The following ZFHX3 variants were observed in gnomAD, a reference collection of about 807,000 sequenced individuals.
ZFHX3 encodes zinc finger homeobox 3.
ZFHX3 carries 42 observed loss-of-function variants against 279.1 expected under a neutral mutation model. The observed-to-expected ratio is 0.15, with a 90% CI of 0.12 to 0.19. ZFHX3 has a LOEUF of 0.19. Ranked by LOEUF, ZFHX3 falls within the 10% of genes least tolerant of loss-of-function variation. The pLI is 1.00. For missense variants in ZFHX3, 4,981 were observed against 4,754.0 expected (o/e 1.05, Z -1.40); for synonymous variants, 2,293 against 1,957.8 (o/e 1.17, Z -4.52).
chr16:73,687,846 CAA>C (rs535371406), intron 1 of ZFHX3, among the ~76,000 whole-genome samples: 3,833 of 63,492 alleles, frequency 0.06, 41 homozygotes, highest in African/African-American at 0.13. Context: ...GACTCTGTCT[CAA>C]AAAAAAAAAA....
intron 3 of ZFHX3, among the ~76,000 whole-genome samples, chr16:73,444,158 A>G (rs2018142313): frequency 6.6e-6 from 1 of 152,202 alleles, no homozygotes; most frequent in Non-Finnish European, 1.5e-5. Context: ...ATTAGACAAA[A>G]TACTCCTACA....
At chr16:73,709,844 G>T (rs917013941) in intron 1 of ZFHX3, among the ~76,000 whole-genome samples, 7 of 152,128 alleles carry the variant, frequency 4.6e-5, no homozygotes, top group Non-Finnish European at 1.0e-4. Flanking sequence ...GGAGCCACTC[G>T]ATGATGTATA....
chr16:73,311,489 C>A (rs1193903780), intron 4 of ZFHX3, among the ~76,000 whole-genome samples: 1 of 149,856 alleles, frequency 6.7e-6, no homozygotes, highest in African/African-American at 2.5e-5. Context: ...GCTGGGGAAG[C>A]TGAGGCACGA....
At chr16:73,783,741 C>A (rs995279506) in intron 1 of ZFHX3, among the ~76,000 whole-genome samples, 1 of 152,278 alleles carries the variant, frequency 6.6e-6, no homozygotes, top group Non-Finnish European at 1.5e-5. Flanking sequence ...CTCATTTAAT[C>A]TTTGCAACAA....
In ZFHX3 at chr16:72,798,732, A is replaced by C; in HGVS notation, c.3968-18T>G. 6.6e-7 allele frequency: 1 copy of C among 1,520,258 alleles called. No homozygotes were observed. Among genetic ancestry groups the C allele is most frequent in the Non-Finnish European group, 8.8e-7 (1 of 1,142,444 alleles). 94.2% of individuals were successfully genotyped at this position (1,520,258 alleles called of 1,614,324 possible). ...TGAGGTTTCTGTTAAAAAAAAAAAA[A>C]AAATCAAACCCAAAGATAAAGAAGG... On this transcript the variant is annotated intron_variant, in intron 8 of 9. Transcript: ENST00000268489.
At chr16:73,011,782 TC>T (rs1963928439) in intron 1 of ZFHX3, among the ~76,000 whole-genome samples, 1 of 147,604 alleles carries the variant, frequency 6.8e-6, no homozygotes, top group Admixed American at 6.8e-5. Context: ...CTAACTCCCC[TC>T]CCCCCAAAAT....
chr16:73,412,743 G>A (rs1158786962), intron 3 of ZFHX3, among the ~76,000 whole-genome samples: 2 of 152,180 alleles, frequency 1.3e-5, no homozygotes, highest in African/African-American at 2.4e-5. Flanking sequence ...GTTTCTGGGG[G>A]AGTATTTCAC....
At chr16:73,482,177 G>C (rs549032252) in intron 2 of ZFHX3, among the ~76,000 whole-genome samples, 1 of 152,130 alleles carries the variant, frequency 6.6e-6, no homozygotes, top group Non-Finnish European at 1.5e-5. Flanking sequence ...TGAGACACAG[G>C]GGGTGGCCTT....
chr16:72,868,626 C>A (rs2038081668), intron 4 of ZFHX3, among the ~76,000 whole-genome samples: 1 of 152,230 alleles, frequency 6.6e-6, no homozygotes, highest in South Asian at 2.1e-4. Flanking sequence ...CTATCTTTGG[C>A]TACAACTACA....
intron 1 of ZFHX3, among the ~76,000 whole-genome samples, chr16:73,889,122 T>G (rs1391949424): frequency 1.3e-5 from 2 of 152,296 alleles, no homozygotes; most frequent in East Asian, 3.9e-4. Context: ...GTAACAATCC[T>G]CATCCCTGCC....
chr16:73,057,132 C>T (rs897230507), intron 1 of ZFHX3, among the ~76,000 whole-genome samples: 1 of 152,000 alleles, frequency 6.6e-6, no homozygotes, highest in African/African-American at 2.4e-5. Flanking sequence ...TAATTGAGAC[C>T]AATAAAAATT....
At chr16:73,141,985 C>T (rs536943615) in intron 6 of ZFHX3, among the ~76,000 whole-genome samples, 1 of 152,194 alleles carries the variant, frequency 6.6e-6, no homozygotes, top group Non-Finnish European at 1.5e-5. Context: ...TTTCAACCAG[C>T]CCCTGTTGAG....
chr16:73,103,864 C>A (rs765995266), intron 7 of ZFHX3, among the ~76,000 whole-genome samples: 2 of 152,092 alleles, frequency 1.3e-5, no homozygotes, highest in Non-Finnish European at 2.9e-5. Context: ...TCAGATAAAA[C>A]TAGGCTTGTT....
At chr16:72,975,037 C>A (rs1423705193) in intron 1 of ZFHX3, among the ~76,000 whole-genome samples, 1 of 152,112 alleles carries the variant, frequency 6.6e-6, no homozygotes, top group East Asian at 1.9e-4. Flanking sequence ...TAAAGTGAAC[C>A]GGCAGCAAGA....
intron 3 of ZFHX3, among the ~76,000 whole-genome samples, chr16:73,341,419 G>C (rs1455289825): frequency 6.6e-6 from 1 of 152,074 alleles, no homozygotes; most frequent in Non-Finnish European, 1.5e-5. Context: ...TTCCAAAAAA[G>C]ATACATAAGT....
intron 1 of ZFHX3, among the ~76,000 whole-genome samples, chr16:73,841,639 G>C (rs1215540063): frequency 1.3e-5 from 2 of 152,104 alleles, no homozygotes; most frequent in Non-Finnish European, 2.9e-5. Context: ...CAAGAGCTGA[G>C]ATCCCTCCAC....
At chr16:73,629,181 G>T (rs1481624684) in intron 2 of ZFHX3, among the ~76,000 whole-genome samples, 1 of 152,156 alleles carries the variant, frequency 6.6e-6, no homozygotes, top group Non-Finnish European at 1.5e-5. Context: ...AAACAAGGCC[G>T]CTGATACGTA....
chr16:72,938,967 C>G (rs182279898), intron 3 of ZFHX3, among the ~76,000 whole-genome samples: 21 of 152,256 alleles, frequency 1.4e-4, no homozygotes, highest in African/African-American at 5.1e-4. Context: ...AGTGCTTCCT[C>G]AAGCACAGCT....
chr16:73,779,816 T>G (rs1355594128), intron 1 of ZFHX3, among the ~76,000 whole-genome samples: 2 of 151,974 alleles, frequency 1.3e-5, no homozygotes, highest in African/African-American at 4.8e-5. Context: ...CTCCCAGGAT[T>G]TAGCAACTCT....
Sources: allele counts gnomAD v4.1 joint callset (sites outside exome capture counted in the v4.1 genomes callset), GRCh38; gene constraint gnomAD v4.1.1; transcripts MANE v1.5; gene names NCBI Gene and HGNC (gene_info 2026-07-23, HGNC 2026-07-21).